The following LRP1B variants were observed in gnomAD, a reference collection of about 807,000 sequenced individuals.
LRP1B encodes the protein LDL receptor related protein 1B.
A neutral mutation model predicts 556.6 loss-of-function variants in LRP1B; 217 were observed. The ratio of observed to expected loss-of-function variants is 0.39; its 90% CI spans 0.35 to 0.44. LRP1B has a LOEUF of 0.44. Among genes scored for constraint, LRP1B ranks in the 20% least tolerant of loss-of-function variants. The pLI, the probability that LRP1B is intolerant of heterozygous loss-of-function variation, is 1.00. For synonymous variants in LRP1B, 2,047 were observed against 1,865.8 expected, an observed-to-expected ratio of 1.10 and a Z score of -2.50; for missense variants, 5,053 against 5,620.8, an observed-to-expected ratio of 0.90 and a Z score of 3.23.
intron 32 of LRP1B, among the ~76,000 whole-genome samples, chr2:140,801,932 A>G (rs1436891553): frequency 6.6e-6 from 1 of 152,184 alleles, no homozygotes; most frequent in Non-Finnish European, 1.5e-5. Flanking sequence ...ACAAACGACA[A>G]CAACAGTAAT....
At chr2:142,049,132 C>G (rs1704357541) in intron 1 of LRP1B, among the ~76,000 whole-genome samples, 1 of 151,962 alleles carries the variant, frequency 6.6e-6, no homozygotes, top group Admixed American at 6.6e-5. Flanking sequence ...TAAAAAAAGG[C>G]CCCTTTTTTT....
intron 2 of LRP1B, among the ~76,000 whole-genome samples, chr2:141,694,144 C>T (rs754746977): frequency 8.5e-5 from 13 of 152,056 alleles, no homozygotes; most frequent in Non-Finnish European, 1.5e-4. Flanking sequence ...TCTCCCTCTA[C>T]CTCTACCTCT....
At chr2:141,854,621 T>A (rs1697984981) in intron 1 of LRP1B, among the ~76,000 whole-genome samples, 1 of 152,034 alleles carries the variant, frequency 6.6e-6, no homozygotes, top group Admixed American at 6.6e-5. Flanking sequence ...AAATAAAATA[T>A]TCCCTTAATC....
intron 20 of LRP1B, among the ~76,000 whole-genome samples, chr2:140,937,388 T>C (rs531919276): frequency 4.2e-4 from 64 of 152,084 alleles, no homozygotes; most frequent in Non-Finnish European, 5.0e-4. Context: ...ATTAGATACT[T>C]AGAGTTATAA....
At chr2:140,476,507 A>G (rs1244009858) in intron 59 of LRP1B, among the ~76,000 whole-genome samples, 1 of 152,024 alleles carries the variant, frequency 6.6e-6, no homozygotes, top group Non-Finnish European at 1.5e-5. Flanking sequence ...TTATGTTCAG[A>G]TATTTTAACC....
chr2:140,295,518 C>G (rs1683563449), intron 84 of LRP1B, among the ~76,000 whole-genome samples: 1 of 152,086 alleles, frequency 6.6e-6, no homozygotes, highest in Non-Finnish European at 1.5e-5. Flanking sequence ...CCTAAAATGA[C>G]CAAAGACCTA....
intron 15 of LRP1B, among the ~76,000 whole-genome samples, chr2:141,004,063 G>A (rs1440499332): frequency 2.6e-5 from 4 of 152,060 alleles, no homozygotes; most frequent in African/African-American, 7.2e-5. Context: ...GAAGAGATAA[G>A]ATGTTATTGA....
chr2:141,779,249 CCT>C (rs1210596818), intron 2 of LRP1B, among the ~76,000 whole-genome samples: 2 of 151,932 alleles, frequency 1.3e-5, no homozygotes, highest in Non-Finnish European at 2.9e-5. Context: ...TCTAAAATTC[CCT>C]GTCTCCATGA....
At chr2:140,902,877 A>T (rs550742175) in intron 23 of LRP1B, 43 bp downstream of exon 23, 2 of 1,589,696 alleles carry the variant, frequency 1.3e-6, no homozygotes, top group East Asian at 4.5e-5. Context: ...TTCTTTCAAG[A>T]TCTATTCTTA....
At chr2:140,923,218 G>A (rs2105259293) in intron 20 of LRP1B, 71 bp from the exon 21 acceptor site, 1 of 1,226,380 alleles carries the variant, frequency 8.2e-7, no homozygotes. Context: ...TTTACTTGTT[G>A]GTAGTTTTTA....
At chr2:141,256,461 A>G (rs1330427053) in intron 3 of LRP1B, among the ~76,000 whole-genome samples, 1 of 152,030 alleles carries the variant, frequency 6.6e-6, no homozygotes, top group African/African-American at 2.4e-5. Flanking sequence ...TTTTCTGTTT[A>G]GGCAACAGGA....
At chr2:141,685,963 T>C (rs1691286423) in intron 2 of LRP1B, among the ~76,000 whole-genome samples, 1 of 152,054 alleles carries the variant, frequency 6.6e-6, no homozygotes, top group Non-Finnish European at 1.5e-5. Context: ...ACTGCATTTA[T>C]CCAAACAATT....
intron 18 of LRP1B, among the ~76,000 whole-genome samples, chr2:140,955,943 T>C (rs1316372196): frequency 2.0e-5 from 3 of 151,694 alleles, no homozygotes; most frequent in Non-Finnish European, 4.4e-5. Context: ...GCCATAGGTA[T>C]GTTTGAGATC....
intron 86 of LRP1B, among the ~76,000 whole-genome samples, chr2:140,265,717 A>G (rs555967539): frequency 2.0e-5 from 3 of 152,212 alleles, no homozygotes; most frequent in African/African-American, 7.2e-5. Flanking sequence ...ATGAAATAGT[A>G]CATACTTACT....
intron 2 of LRP1B, among the ~76,000 whole-genome samples, chr2:141,603,183 T>C (rs1574129092): frequency 6.6e-6 from 1 of 152,194 alleles, no homozygotes; most frequent in East Asian, 1.9e-4. Context: ...ATTCAGTGAA[T>C]ACAATCCAAG....
chr2:140,485,379 T>C lies in LRP1B; in HGVS notation c.9389A>G (p.Lys3130Arg). 1 of 1,612,126 alleles carries C rather than the reference T, an allele frequency of 6.2e-7. No homozygotes were observed. Among genetic ancestry groups the C allele is most frequent in the South Asian group, 1.1e-5 (1 of 90,434 alleles). Reference sequence around the variant, plus strand: ...ATCTAAAGACAAGTCTCTGGGAAACTTCAGCCTTTTGCTAACGAGTATAGT... The same window carrying C: ...ATCTAAAGACAAGTCTCTGGGAAACCTCAGCCTTTTGCTAACGAGTATAGT... ...YPTILVSKRL[K>R]FPRDLSLDPQ... Residue 3130 changes from lysine (K) to arginine (R), a missense_variant, in exon 59 of 91, where the codon AAG becomes AGG. By Grantham distance (26) the Lys-to-Arg change is conservative (BLOSUM62 2). Coordinates refer to ENST00000389484, the MANE Select transcript of LRP1B (RefSeq NM_018557.3).
rs1251416672 is a variant in LRP1B, at chr2:140,602,956, A to G, written c.6800-1317T>C. The stretch of plus-strand genomic sequence containing the variant: ...TAGTCACAGGGCTGATAATATTAAC[A>G]CAAAATTTTTACCGCCTGGCTCCCC... On this transcript the variant is annotated intron_variant, in intron 41 of 90. Coordinates refer to ENST00000389484, the MANE Select transcript of LRP1B (RefSeq NM_018557.3). 2.0e-5 allele frequency among the ~76,000 whole-genome samples: 3 copies of G among 151,966 alleles called. No individual in the cohort carries two copies. In the East Asian group the frequency reaches 5.8e-4, roughly 29 times the overall value.
intron 3 of LRP1B, among the ~76,000 whole-genome samples, chr2:141,480,159 T>TTGTGTGTGTGTGTG (rs5834837): frequency 1.3e-5 from 2 of 149,864 alleles, no homozygotes; most frequent in African/African-American, 4.9e-5. Context: ...AAGTCTAAAT[T>TTGTGTGTGTGTGTG]TGTGTGTGTG....
intron 2 of LRP1B, among the ~76,000 whole-genome samples, chr2:141,764,684 C>T (rs1694676256): frequency 1.0e-5 from 1 of 95,358 alleles, no homozygotes; most frequent in Non-Finnish European, 2.3e-5. Context: ...TTAGGACACT[C>T]AGTCTATGGA....
Sources: allele counts gnomAD v4.1 joint callset (sites outside exome capture counted in the v4.1 genomes callset), GRCh38; gene constraint gnomAD v4.1.1; transcripts MANE v1.5; gene names NCBI Gene and HGNC (gene_info 2026-07-23, HGNC 2026-07-21).